The following CACNA2D1 variants were observed in gnomAD, a reference collection of about 807,000 sequenced individuals.
The protein encoded by CACNA2D1 is calcium voltage-gated channel auxiliary subunit alpha2delta 1, also known as voltage-dependent calcium channel subunit alpha-2/delta-1.
A neutral mutation model predicts 171.5 loss-of-function variants in CACNA2D1; 53 were observed. That is an observed-to-expected ratio of 0.31 (90% CI 0.25 to 0.39). The LOEUF is 0.39. Ranked by LOEUF, CACNA2D1 falls within the 10% of genes least tolerant of loss-of-function variation. The pLI, the probability that CACNA2D1 is intolerant of heterozygous loss-of-function variation, is 1.00. For missense variants in CACNA2D1, 903 were observed against 1,299.8 expected (o/e 0.69, Z 4.69); for synonymous variants, 442 against 443.1 (o/e 1.00, Z 0.03).
chr7:82,214,990 C>T (rs971905408), intron 3 of CACNA2D1, among the ~76,000 whole-genome samples: 10 of 152,078 alleles, frequency 6.6e-5, no homozygotes, highest in Non-Finnish European at 1.5e-4. Flanking sequence ...AGCATTTAGC[C>T]ATATGTTGAA....
At chr7:82,136,714 A>C (rs374880492) in intron 4 of CACNA2D1, 38 bp from the exon 5 acceptor site, 10 of 1,362,762 alleles carry the variant, frequency 7.3e-6, no homozygotes, top group Non-Finnish European at 1.0e-5. Context: ...ATTTTAATAA[A>C]AACAATACTG....
At chr7:82,116,694 T>G (rs2129053396) in intron 6 of CACNA2D1, among the ~76,000 whole-genome samples, 1 of 152,348 alleles carries the variant, frequency 6.6e-6, no homozygotes, top group Non-Finnish European at 1.5e-5. Flanking sequence ...TATTTTTGCA[T>G]GTGTGTATAA....
At chr7:82,319,146 A>T (rs1296995694) in intron 3 of CACNA2D1, among the ~76,000 whole-genome samples, 1 of 152,218 alleles carries the variant, frequency 6.6e-6, no homozygotes, top group Admixed American at 6.5e-5. Context: ...TCCTTAGTAC[A>T]GTGTCTAGTA....
intron 8 of CACNA2D1, among the ~76,000 whole-genome samples, chr7:82,064,750 T>C (rs975861979): frequency 6.6e-6 from 1 of 152,092 alleles, no homozygotes. Flanking sequence ...AAAAAATAGA[T>C]AAGTTGCTTA....
chr7:82,291,826 A>G (rs1811677054), intron 3 of CACNA2D1, among the ~76,000 whole-genome samples: 1 of 151,546 alleles, frequency 6.6e-6, no homozygotes, highest in Admixed American at 6.6e-5. Flanking sequence ...GTTTTCAGTT[A>G]TGTTAGCTAT....
At chr7:82,316,349 T>C (rs1369329046) in intron 3 of CACNA2D1, among the ~76,000 whole-genome samples, 1 of 152,208 alleles carries the variant, frequency 6.6e-6, no homozygotes. Flanking sequence ...CATTACTTAC[T>C]GCCTTTATAA....
intron 3 of CACNA2D1, among the ~76,000 whole-genome samples, chr7:82,243,172 G>A (rs1804522220): frequency 6.6e-6 from 1 of 152,042 alleles, no homozygotes; most frequent in Non-Finnish European, 1.5e-5. Context: ...CTTTAAAGAT[G>A]GTGTATAAAG....
intron 3 of CACNA2D1, among the ~76,000 whole-genome samples, chr7:82,207,051 G>A (rs1015273589): frequency 1.3e-5 from 2 of 152,182 alleles, no homozygotes; most frequent in South Asian, 4.1e-4. Context: ...CGCAACAGGA[G>A]CATTACAAGA....
At chr7:82,044,318 GC>G (rs1424055413) in intron 10 of CACNA2D1, among the ~76,000 whole-genome samples, 1 of 151,990 alleles carries the variant, frequency 6.6e-6, no homozygotes, top group Non-Finnish European at 1.5e-5. Context: ...TTTTTAAGAA[GC>G]AAAAATAGGA....
At chr7:82,012,836 A>C (rs1799961461) in intron 14 of CACNA2D1, among the ~76,000 whole-genome samples, 1 of 152,120 alleles carries the variant, frequency 6.6e-6, no homozygotes, top group African/African-American at 2.4e-5. Context: ...TATTTTGTAG[A>C]TCTTCAGCTA....
intron 1 of CACNA2D1, among the ~76,000 whole-genome samples, chr7:82,416,484 T>C (rs1448435905): frequency 2.0e-5 from 3 of 152,050 alleles, no homozygotes; most frequent in African/African-American, 7.2e-5. Flanking sequence ...AGTCTGAAAT[T>C]AAGGTGTCGG....
chr7:82,423,832 C>A (rs1276633477), intron 1 of CACNA2D1, among the ~76,000 whole-genome samples: 1 of 152,128 alleles, frequency 6.6e-6, no homozygotes, highest in Non-Finnish European at 1.5e-5. Context: ...GATTATGCTA[C>A]TCTGAGGCTG....
intron 10 of CACNA2D1, among the ~76,000 whole-genome samples, chr7:82,053,167 G>A (rs559813978): frequency 6.3e-4 from 96 of 151,566 alleles, no homozygotes; most frequent in African/African-American, 2.0e-3. Flanking sequence ...CAGGAGAATG[G>A]CGTGAACCTG....
At chr7:82,102,005 T>C (rs1812730297) in intron 6 of CACNA2D1, among the ~76,000 whole-genome samples, 1 of 152,134 alleles carries the variant, frequency 6.6e-6, no homozygotes, top group Non-Finnish European at 1.5e-5. Flanking sequence ...TCTGTGGACA[T>C]GGAAAGGAAC....
chr7:82,325,248 A>G (rs899175835), intron 3 of CACNA2D1, among the ~76,000 whole-genome samples: 13 of 152,210 alleles, frequency 8.5e-5, no homozygotes, highest in Non-Finnish European at 1.6e-4. Flanking sequence ...TAGCCTGTGG[A>G]GATTGGATTT....
At chr7:81,994,656 T>C (rs1214257845) in intron 20 of CACNA2D1, among the ~76,000 whole-genome samples, 2 of 151,836 alleles carry the variant, frequency 1.3e-5, no homozygotes, top group Non-Finnish European at 1.5e-5. Context: ...CCTAAAGCAA[T>C]AGTATTTTAT....
At chr7:82,034,519 A>G (rs1445103707) in intron 11 of CACNA2D1, among the ~76,000 whole-genome samples, 1 of 152,120 alleles carries the variant, frequency 6.6e-6, no homozygotes, top group Non-Finnish European at 1.5e-5. Context: ...CACTTTCAAC[A>G]TGGCTGTTAT....
intron 1 of CACNA2D1, among the ~76,000 whole-genome samples, chr7:82,412,888 T>C (rs1465124620): frequency 6.6e-6 from 1 of 152,022 alleles, no homozygotes; most frequent in Non-Finnish European, 1.5e-5. Flanking sequence ...TAATTCAGAA[T>C]TAATAACAGA....
At position 82,074,894 on chromosome 7, in the gene CACNA2D1, G is replaced by A. The variant is rs187592059; in HGVS notation, c.659-8370C>T. Among the ~76,000 whole-genome samples the A allele has an allele frequency of 2.5e-3, 376 of 151,920 alleles. 2 individuals carry two copies. Among genetic ancestry groups the A allele is most frequent in the African/African-American group, 8.3e-3 (343 of 41,426 alleles). On this transcript the variant is annotated intron_variant, in intron 7 of 38. Transcript: ENST00000356860. Reference sequence around the variant, plus strand: ...AGAATTTTTTTTTAATTAAGTTCTGGGGTACTTGTGCACAATGTGCAGGTT... The same window carrying A: ...AGAATTTTTTTTTAATTAAGTTCTGAGGTACTTGTGCACAATGTGCAGGTT...
Sources: gnomAD v4.1 joint callset for allele counts (sites outside exome capture counted in the v4.1 genomes callset) on GRCh38, gnomAD v4.1.1 for gene constraint, MANE v1.5 for transcripts, NCBI Gene and HGNC (gene_info 2026-07-23, HGNC 2026-07-21) for gene names.